PDIA5: variants seen among roughly 807,000 people sequenced by gnomAD.
The protein encoded by PDIA5 is protein disulfide isomerase family A member 5, also known as protein disulfide-isomerase A5.
PDIA5 carries 58 observed loss-of-function variants against 77.6 expected under a neutral mutation model. That is an observed-to-expected ratio of 0.75 (90% CI 0.61 to 0.93). PDIA5 has a LOEUF of 0.93. PDIA5 is among the 40% of genes least tolerant of loss of function. The pLI is 0.00. For missense variants in PDIA5, 630 were observed against 647.7 expected (o/e 0.97, Z 0.30); for synonymous variants, 250 against 252.1 (o/e 0.99, Z 0.08).
intron 15 of PDIA5, among the ~76,000 whole-genome samples, chr3:123,157,156 C>G (rs1017477393): frequency 9.2e-5 from 14 of 152,186 alleles, no homozygotes; most frequent in African/African-American, 3.4e-4. Context: ...CCCTCACTTG[C>G]ATTCAGGAAT....
At chr3:123,160,094 A>G (rs904356515) in intron 15 of PDIA5, among the ~76,000 whole-genome samples, 9 of 152,208 alleles carry the variant, frequency 5.9e-5, no homozygotes, top group African/African-American at 2.2e-4. Flanking sequence ...TGATAACTGG[A>G]CTTTGTCAAG....
chr3:123,077,233 C>T (rs1317062138), intron 1 of PDIA5, among the ~76,000 whole-genome samples: 5 of 152,172 alleles, frequency 3.3e-5, no homozygotes, highest in Admixed American at 3.3e-4. Flanking sequence ...CCCTTAGTCT[C>T]AGTTTCTTTA....
chr3:123,124,365 C>T (rs2305051), intron 10 of PDIA5, 22 bp downstream of exon 10: 893,205 of 1,575,734 alleles, frequency 0.57, 254,473 homozygotes, highest in Admixed American at 0.59. Flanking sequence ...GTGTGTGTGT[C>T]AGTGGGCGTG....
intron 13 of PDIA5, among the ~76,000 whole-genome samples, chr3:123,147,614 G>A (rs1935799170): frequency 6.6e-6 from 1 of 152,172 alleles, no homozygotes; most frequent in African/African-American, 2.4e-5. Flanking sequence ...GAGATGAATG[G>A]ACTGATGAGA....
intron 1 of PDIA5, among the ~76,000 whole-genome samples, chr3:123,084,169 G>A (rs1166365036): frequency 6.6e-6 from 1 of 151,940 alleles, no homozygotes; most frequent in Admixed American, 6.6e-5. Flanking sequence ...GCCCACTAAC[G>A]CCCGCACGCC....
intron 1 of PDIA5, among the ~76,000 whole-genome samples, chr3:123,080,189 C>G (rs1340704122): frequency 6.6e-6 from 1 of 152,050 alleles, no homozygotes; most frequent in African/African-American, 2.4e-5. Context: ...ATGAGGAGCC[C>G]TCCAAGATGA....
intron 3 of PDIA5, among the ~76,000 whole-genome samples, chr3:123,099,057 G>GCACACACA (rs34705320): frequency 1.5e-4 from 23 of 150,950 alleles, no homozygotes; most frequent in African/African-American, 4.4e-4. Context: ...ACATGCTTGC[G>GCACACACA]CACACACACA....
chr3:123,092,356 G>T lies in PDIA5; in HGVS notation c.171G>T (p.Glu57Asp), dbSNP rs1260024335. 6.2e-6 allele frequency: 10 copies of T among 1,612,372 alleles called. No homozygotes were observed. The highest frequency in any genetic ancestry group is 1.7e-5 in the Admixed American group (1 of 59,998). The change falls in exon 3 of 17, where the codon GAG becomes GAT. Residue 57 changes from glutamate to aspartate, a missense_variant and splice_region_variant. Physicochemically the swap from Glu to Asp is conservative, Grantham distance 45. Coordinates refer to ENST00000316218, the MANE Select transcript of PDIA5 (RefSeq NM_006810.4). ...NNVLVLYSKS[E>D]VAAENHLRLL... is the part of the protein sequence containing the mutation. ...TAATTTTTTGTTTTTTTTTTACAGA[G>T]GTGGCAGCTGAAAATCATCTCAGGT...
intron 15 of PDIA5, among the ~76,000 whole-genome samples, chr3:123,157,833 T>A (rs780536846): frequency 1.3e-5 from 2 of 152,182 alleles, no homozygotes; most frequent in African/African-American, 2.4e-5. Context: ...ATGGTGTTAT[T>A]GAAGGGGCAA....
At chr3:123,108,669 C>CTT (rs1934795086) in intron 6 of PDIA5, among the ~76,000 whole-genome samples, 1 of 150,880 alleles carries the variant, frequency 6.6e-6, no homozygotes, top group East Asian at 2.0e-4. Flanking sequence ...GGGTGGATCA[C>CTT]AAGGTCAGGA....
intron 2 of PDIA5, among the ~76,000 whole-genome samples, 164 bp from the exon 3 acceptor site, chr3:123,092,191 C>T (rs1313308735): frequency 6.6e-6 from 1 of 152,136 alleles, no homozygotes; most frequent in African/African-American, 2.4e-5. Flanking sequence ...GCAGCACAGG[C>T]CCTGGCACTG....
rs371689551 is a variant in PDIA5 at position 123,161,447 on chromosome 3, G to A, written c.1471G>A (p.Asp491Asn). The A allele has an allele frequency of 1.9e-5, 30 of 1,613,680 alleles. No individual in the cohort carries two copies. The highest frequency in any genetic ancestry group is 6.7e-5 in the African/African-American group (5 of 74,926). Reference sequence around the variant, plus strand: ...GAAGTTCGCAGAAAAGTATGACAGCGACCGCACAGTAAGTGGGGGAGAGGC... The same window carrying A: ...GAAGTTCGCAGAAAAGTATGACAGCAACCGCACAGTAAGTGGGGGAGAGGC... ...YGKFAEKYDS[D>N]RTELGFTNYI... Residue 491 changes from aspartate (D) to asparagine (N), a missense_variant, in exon 16 of 17, where the codon GAC (aspartate) becomes AAC (asparagine). Coordinates refer to ENST00000316218, the MANE Select transcript of PDIA5 (RefSeq NM_006810.4).
At chr3:123,090,541 G>C (rs1281894187) in intron 2 of PDIA5, among the ~76,000 whole-genome samples, 1 of 152,236 alleles carries the variant, frequency 6.6e-6, no homozygotes, top group Non-Finnish European at 1.5e-5. Flanking sequence ...TGGAAGCTGG[G>C]AGTAGCGGAC....
intron 8 of PDIA5, among the ~76,000 whole-genome samples, chr3:123,123,595 G>A (rs946618641): frequency 2.0e-5 from 3 of 152,260 alleles, no homozygotes; most frequent in Admixed American, 6.5e-5. Flanking sequence ...GAGGTATCCA[G>A]GAAGGTGTCT....
chr3:123,152,288 A>T (rs779554702), intron 14 of PDIA5, among the ~76,000 whole-genome samples: 8 of 152,150 alleles, frequency 5.3e-5, no homozygotes, highest in Non-Finnish European at 1.0e-4. Context: ...CCAGGCCTTG[A>T]GGGGCTCACT....
At chr3:123,078,415 C>T (rs984819110) in intron 1 of PDIA5, among the ~76,000 whole-genome samples, 2 of 152,042 alleles carry the variant, frequency 1.3e-5, no homozygotes, top group African/African-American at 2.4e-5. Flanking sequence ...TTTTTTTAGG[C>T]AGGTTTTTTT....
At chr3:123,075,772 C>T (rs560911048) in intron 1 of PDIA5, among the ~76,000 whole-genome samples, 1 of 152,178 alleles carries the variant, frequency 6.6e-6, no homozygotes, top group Non-Finnish European at 1.5e-5. Flanking sequence ...GGGCTCCCAG[C>T]CCCTGGAGAT....
intron 3 of PDIA5, among the ~76,000 whole-genome samples, chr3:123,096,789 C>T (rs566575228): frequency 9.9e-5 from 15 of 152,282 alleles, no homozygotes; most frequent in East Asian, 9.7e-4. Context: ...GATGGTTGTC[C>T]GGCTGTTAAG....
intron 7 of PDIA5, among the ~76,000 whole-genome samples, chr3:123,111,359 G>A (rs1003760969): frequency 7.2e-5 from 11 of 152,150 alleles, no homozygotes; most frequent in African/African-American, 1.7e-4. Context: ...GCCACCCCTC[G>A]GGCATGGCGT....
Sources: allele counts gnomAD v4.1 joint callset (sites outside exome capture counted in the v4.1 genomes callset), GRCh38; gene constraint gnomAD v4.1.1; transcripts MANE v1.5; gene names NCBI Gene and HGNC (gene_info 2026-07-23, HGNC 2026-07-21).